CDH19: variants seen among roughly 807,000 people sequenced by gnomAD.
CDH19 encodes the protein cadherin 19.
A neutral mutation model predicts 64.2 loss-of-function variants in CDH19; 67 were observed. The ratio of observed to expected loss-of-function variants is 1.04; its 90% CI spans 0.86 to 1.28. The LOEUF (loss-of-function observed/expected upper bound fraction) is 1.28, where lower values mean the gene tolerates loss of function less well. Ranked by LOEUF, CDH19 falls within the 50% of genes most tolerant of loss-of-function variation. The pLI is 0.00. For missense variants in CDH19, 1,030 were observed against 929.0 expected (o/e 1.11, Z -1.41); for synonymous variants, 346 against 319.3 (o/e 1.08, Z -0.89).
At position 66,572,258 on chromosome 18, in the gene CDH19, C is replaced by T; in HGVS notation, c.-54G>A. 7.1e-7 allele frequency: 1 copy of T among 1,405,090 alleles called. No individual in the cohort carries two copies. Among genetic ancestry groups the T allele is most frequent in the Non-Finnish European group, 9.8e-7 (1 of 1,017,794 alleles). The allele number at this position is 1,405,090 out of a possible 1,614,324, so 87.0% of individuals were successfully genotyped here. ...ACTCTTCAGAGGAAACAGGACGTCA[C>T]TAACAAAAATCTTGCTTTCTTTTAT... On this transcript the variant is annotated 5_prime_UTR_variant, in exon 2 of 12. The change creates a new upstream start codon in the 5' untranslated region. Coordinates refer to ENST00000262150, the MANE Select transcript of CDH19 (RefSeq NM_021153.4).
chr18:66,576,809 T>C (rs1050320016), intron 1 of CDH19, among the ~76,000 whole-genome samples: 2 of 151,654 alleles, frequency 1.3e-5, no homozygotes, highest in Non-Finnish European at 3.0e-5. Context: ...AATACACATA[T>C]AGAAAATCTT....
At chr18:66,543,110 C>T (rs1313650474) in intron 7 of CDH19, among the ~76,000 whole-genome samples, 1 of 152,182 alleles carries the variant, frequency 6.6e-6, no homozygotes, top group Non-Finnish European at 1.5e-5. Flanking sequence ...ACTGCAAGCT[C>T]TGCCTCCTGG....
chr18:66,585,975 T>C (rs868616662), intron 1 of CDH19, among the ~76,000 whole-genome samples: 37 of 152,214 alleles, frequency 2.4e-4, no homozygotes, highest in African/African-American at 8.2e-4. Flanking sequence ...ATGAAAAATA[T>C]TATAATCTAT....
At chr18:66,522,869 A>C (rs1168617917) in intron 9 of CDH19, among the ~76,000 whole-genome samples, 1 of 151,776 alleles carries the variant, frequency 6.6e-6, no homozygotes. Context: ...GTCTGTAGCA[A>C]TTTGATAGAA....
At chr18:66,600,951 C>T (rs1048869742) in intron 1 of CDH19, among the ~76,000 whole-genome samples, 2 of 151,776 alleles carry the variant, frequency 1.3e-5, no homozygotes, top group African/African-American at 4.8e-5. Context: ...GACATTATAG[C>T]CCATTTATTT....
At chr18:66,518,748 C>T (rs533345861) in intron 9 of CDH19, among the ~76,000 whole-genome samples, 1 of 152,070 alleles carries the variant, frequency 6.6e-6, no homozygotes, top group South Asian at 2.1e-4. Flanking sequence ...ATCTCTTGAC[C>T]GAAAATATTC....
intron 1 of CDH19, among the ~76,000 whole-genome samples, chr18:66,597,650 G>A (rs930856567): frequency 2.0e-5 from 3 of 152,012 alleles, no homozygotes; most frequent in Non-Finnish European, 4.4e-5. Context: ...AAGTATCAAC[G>A]GAGCAAACAG....
intron 3 of CDH19, 101 bp downstream of exon 3, chr18:66,568,315 C>G: frequency 1.2e-6 from 1 of 863,100 alleles, no homozygotes; most frequent in Non-Finnish European, 1.8e-6. Flanking sequence ...GAAGGAAGTT[C>G]TAGTATAGAC....
Position 66,536,311 on chromosome 18 carries a change from G to T in CDH19, c.1215-1204C>A, listed in dbSNP as rs549502530. Among the ~76,000 whole-genome samples, 15 of 151,730 alleles carry T rather than the reference G, an allele frequency of 9.9e-5. No individual in the cohort carries two copies. The East Asian group carries it at 2.9e-3, about 29-fold the overall frequency. ...ACTTTGTAGCTAGGTATTCAGATAA[G>T]GACTCAATAGAAATCACGAGGAATT... On this transcript the variant is annotated intron_variant, in intron 7 of 11. Transcript: ENST00000262150.
At chr18:66,517,212 G>C (rs1464914937) in intron 9 of CDH19, among the ~76,000 whole-genome samples, 1 of 151,976 alleles carries the variant, frequency 6.6e-6, no homozygotes, top group African/African-American at 2.4e-5. Context: ...GGACACAAAA[G>C]TGAAAGGAAG....
In CDH19 at chr18:66,584,260, C is replaced by T. The variant is rs1373588803; in HGVS notation, c.-112-11944G>A. On this transcript the variant is annotated intron_variant, in intron 1 of 11. Transcript: ENST00000262150. ...GCACATGACAAAAAGCTCAGTCTCACTTATTAGAGGAATGAAAATCAAAAG... is the reference window on the plus strand; with the variant it reads ...GCACATGACAAAAAGCTCAGTCTCATTTATTAGAGGAATGAAAATCAAAAG... Among the ~76,000 whole-genome samples the T allele has an allele frequency of 3.9e-5, 6 of 151,924 alleles. No individual in the cohort carries two copies. The South Asian group carries it at 1.2e-3, about 32-fold the overall frequency.
intron 8 of CDH19, among the ~76,000 whole-genome samples, chr18:66,534,665 A>C (rs1248570048): frequency 1.3e-5 from 2 of 151,910 alleles, no homozygotes; most frequent in South Asian, 2.1e-4. Context: ...AATCAGAAAA[A>C]TTTACAACCC....
chr18:66,516,750 G>T (rs1985756763), intron 9 of CDH19, among the ~76,000 whole-genome samples: 1 of 152,026 alleles, frequency 6.6e-6, no homozygotes, highest in Non-Finnish European at 1.5e-5. Flanking sequence ...TCCCTCTGCA[G>T]ACCTGCTTAG....
chr18:66,594,055 G>A (rs1988815494), intron 1 of CDH19, among the ~76,000 whole-genome samples: 2 of 152,096 alleles, frequency 1.3e-5, no homozygotes, highest in South Asian at 4.1e-4. Flanking sequence ...ACACCCACAG[G>A]CTCAAAGTAG....
At chr18:66,544,279 A>C in intron 6 of CDH19, 55 bp from the exon 7 acceptor site, 1 of 1,527,180 alleles carries the variant, frequency 6.5e-7, no homozygotes, top group Non-Finnish European at 8.8e-7. Flanking sequence ...CCAAGATACT[A>C]TTTAGAAAAA....
chr18:66,542,750 A>G (rs988036127), intron 7 of CDH19, among the ~76,000 whole-genome samples: 2 of 152,000 alleles, frequency 1.3e-5, no homozygotes, highest in African/African-American at 2.4e-5. Flanking sequence ...GCCTCTTCTC[A>G]TATCCACGGC....
intron 1 of CDH19, among the ~76,000 whole-genome samples, chr18:66,577,567 G>A (rs1323181130): frequency 6.6e-6 from 1 of 151,922 alleles, no homozygotes; most frequent in Non-Finnish European, 1.5e-5. Flanking sequence ...GTCACAAAAA[G>A]TGAATACAAA....
intron 5 of CDH19, among the ~76,000 whole-genome samples, chr18:66,546,408 C>T (rs145612168): frequency 7.8e-4 from 118 of 152,144 alleles, no homozygotes; most frequent in African/African-American, 1.6e-3. Flanking sequence ...TTGCCATGAA[C>T]GTGAAAGCAG....
chr18:66,535,517 T>TA (rs1309277530), intron 7 of CDH19, among the ~76,000 whole-genome samples: 3 of 150,576 alleles, frequency 2.0e-5, no homozygotes, highest in African/African-American at 7.3e-5. Context: ...GTAAATTTGA[T>TA]AAAAAGTAAA....
Sources: gnomAD v4.1 joint callset for allele counts (sites outside exome capture counted in the v4.1 genomes callset) on GRCh38, gnomAD v4.1.1 for gene constraint, MANE v1.5 for transcripts, NCBI Gene and HGNC (gene_info 2026-07-23, HGNC 2026-07-21) for gene names.